Variants in NRXN3 observed in about 807,000 individuals in gnomAD.
The protein encoded by NRXN3 is neurexin 3, also known as neurexin III.
In NRXN3, 32 loss-of-function variants were observed where a neutral mutation model predicts 137.6. That is an observed-to-expected ratio of 0.23 (90% CI 0.18 to 0.31). The LOEUF (loss-of-function observed/expected upper bound fraction) is 0.31, where lower values mean the gene tolerates loss of function less well. Among genes scored for constraint, NRXN3 ranks in the 10% least tolerant of loss-of-function variants. NRXN3 has a pLI of 1.00. For missense variants in NRXN3, 1,574 were observed against 2,062.5 expected, an observed-to-expected ratio of 0.76 and a Z score of 4.59; for synonymous variants, 798 against 784.5, an observed-to-expected ratio of 1.02 and a Z score of -0.29.
rs117862077 is a variant in NRXN3 at position 78,452,094 on chromosome 14, T to C, written c.757+154234T>C. ...AAATATAGCTGACATTTATGAAATA[T>C]TTTGCTAAATTTTTATGTGCATAAT... is the stretch of plus-strand genomic sequence containing the variant. On this transcript the variant is annotated intron_variant, in intron 4 of 20. Coordinates refer to ENST00000335750, the MANE Select transcript of NRXN3 (RefSeq NM_001330195.2). Among the ~76,000 whole-genome samples the C allele has an allele frequency of 5.1e-3, 774 of 152,310 alleles. 34 individuals are homozygous for C. The East Asian group carries it at 0.082, about 16-fold the overall frequency.
chr14:79,719,650 C>T (rs1272408730), intron 19 of NRXN3, among the ~76,000 whole-genome samples: 1 of 152,022 alleles, frequency 6.6e-6, no homozygotes, highest in Admixed American at 6.6e-5. Context: ...CGTGATCCAA[C>T]CCTCCAGAGA....
intron 8 of NRXN3, among the ~76,000 whole-genome samples, chr14:78,792,921 A>G (rs1264005009): frequency 6.6e-6 from 1 of 152,202 alleles, no homozygotes; most frequent in Non-Finnish European, 1.5e-5. Context: ...ACCATATAAT[A>G]ACAATATAAC....
At chr14:79,054,888 G>T (rs2099654372) in intron 15 of NRXN3, among the ~76,000 whole-genome samples, 1 of 152,164 alleles carries the variant, frequency 6.6e-6, no homozygotes, top group Non-Finnish European at 1.5e-5. Context: ...AGAAAATATA[G>T]TATTTTCTGA....
chr14:78,614,265 TG>T (rs1162541031), intron 4 of NRXN3, among the ~76,000 whole-genome samples: 1 of 152,178 alleles, frequency 6.6e-6, no homozygotes, highest in African/African-American at 2.4e-5. Context: ...TGGCATGAGC[TG>T]GTAGTTCTTC....
At chr14:78,505,673 A>C (rs1271733985) in intron 4 of NRXN3, among the ~76,000 whole-genome samples, 1 of 152,186 alleles carries the variant, frequency 6.6e-6, no homozygotes, top group Non-Finnish European at 1.5e-5. Context: ...TTATCTATCA[A>C]AAATAATAAC....
At chr14:78,392,505 C>A (rs1452335315) in intron 4 of NRXN3, among the ~76,000 whole-genome samples, 3 of 152,078 alleles carry the variant, frequency 2.0e-5, no homozygotes, top group Non-Finnish European at 4.4e-5. Flanking sequence ...GGCTACAGGG[C>A]CAGAGGGCCT....
intron 10 of NRXN3, among the ~76,000 whole-genome samples, chr14:78,845,220 A>G (rs568994802): frequency 6.6e-6 from 1 of 152,184 alleles, no homozygotes; most frequent in South Asian, 2.1e-4. Flanking sequence ...TGCAAGTCAA[A>G]ACACTCATCA....
At chr14:79,018,192 G>A (rs1427371766) in intron 15 of NRXN3, among the ~76,000 whole-genome samples, 3 of 145,680 alleles carry the variant, frequency 2.1e-5, no homozygotes, top group East Asian at 2.1e-4. Context: ...CCTGGGAGAC[G>A]AAGGTTGTAG....
At chr14:79,010,151 T>C (rs1179208607) in intron 15 of NRXN3, among the ~76,000 whole-genome samples, 1 of 152,200 alleles carries the variant, frequency 6.6e-6, no homozygotes, top group African/African-American at 2.4e-5. Context: ...TCCATTTAAA[T>C]ATTTCATTTT....
At chr14:78,557,941 T>C (rs144987477) in intron 4 of NRXN3, among the ~76,000 whole-genome samples, 73 of 152,304 alleles carry the variant, frequency 4.8e-4, no homozygotes, top group African/African-American at 1.7e-3. Context: ...TTAAGAATAT[T>C]AACTTATTTA....
chr14:78,911,511 A>G (rs2099237563), intron 10 of NRXN3, among the ~76,000 whole-genome samples: 1 of 152,180 alleles, frequency 6.6e-6, no homozygotes, highest in African/African-American at 2.4e-5. Flanking sequence ...TGAGTTCACT[A>G]CCCACAGAGC....
intron 15 of NRXN3, among the ~76,000 whole-genome samples, chr14:79,304,710 A>G (rs181151074): frequency 2.6e-5 from 4 of 152,216 alleles, no homozygotes; most frequent in Admixed American, 2.6e-4. Flanking sequence ...GCTCAAGTTA[A>G]GTTCTGCTGA....
At chr14:79,236,355 A>C (rs768483839) in intron 15 of NRXN3, among the ~76,000 whole-genome samples, 10 of 152,226 alleles carry the variant, frequency 6.6e-5, no homozygotes, top group Middle Eastern at 3.4e-3. Flanking sequence ...ATATGTACAT[A>C]TGTTCACATA....
chr14:79,697,524 C>A, intron 18 of NRXN3, 106 bp from the exon 19 acceptor site: 1 of 1,215,346 alleles, frequency 8.2e-7, no homozygotes, highest in African/African-American at 1.5e-5. Flanking sequence ...TCCTCCCCTT[C>A]AATTGCTCAA....
intron 6 of NRXN3, among the ~76,000 whole-genome samples, chr14:78,690,805 A>G (rs553465281): frequency 6.6e-6 from 1 of 152,298 alleles, no homozygotes; most frequent in African/African-American, 2.4e-5. Context: ...AGGCAGGTTG[A>G]TTTTAAAGTT....
At chr14:79,777,816 T>C (rs2099101723) in intron 19 of NRXN3, among the ~76,000 whole-genome samples, 1 of 150,788 alleles carries the variant, frequency 6.6e-6, no homozygotes, top group Non-Finnish European at 1.5e-5. Flanking sequence ...TTATTGACAA[T>C]ATAAAAAAAA....
chr14:79,042,718 G>A (rs1157841815), intron 15 of NRXN3, among the ~76,000 whole-genome samples: 2 of 152,118 alleles, frequency 1.3e-5, no homozygotes, highest in Non-Finnish European at 2.9e-5. Flanking sequence ...ATTAGAATAG[G>A]AAAGGTATGG....
At position 78,442,221 on chromosome 14, in the gene NRXN3, C is replaced by T. The variant is rs141353547; in HGVS notation, c.757+144361C>T. Among the ~76,000 whole-genome samples the T allele has an allele frequency of 2.7e-5, 4 of 150,044 alleles. No individual in the cohort carries two copies. The East Asian group carries it at 5.9e-4, about 22-fold the overall frequency. On this transcript the variant is annotated intron_variant, in intron 4 of 20. Transcript: ENST00000335750. The stretch of plus-strand genomic sequence containing the variant: ...GGCAGACGTCACGGTAAGCAGAGAT[C>T]ATGCCACCGTACTCCAGCCTGGGCA...
Position 78,810,346 on chromosome 14 carries a change from T to C in NRXN3, c.2275+2T>C. ...GTATCAGGATAAACTGTAACTCCAG[T>C]AAGTTTTCCCTCAAGTTTCATTTTG... On this transcript the variant is annotated splice_donor_variant, in intron 10 of 20. Coordinates refer to ENST00000335750, the MANE Select transcript of NRXN3 (RefSeq NM_001330195.2). LOFTEE classifies it high-confidence loss of function. The C allele has an allele frequency of 6.9e-7, 1 of 1,453,040 alleles. No individual in the cohort carries two copies. The highest frequency in any genetic ancestry group is 9.2e-7 in the Non-Finnish European group (1 of 1,085,422). The allele number at this position is 1,453,040 out of a possible 1,614,324, so 90.0% of individuals were successfully genotyped here.
Sources: gnomAD v4.1 joint callset for allele counts (sites outside exome capture counted in the v4.1 genomes callset) on GRCh38, gnomAD v4.1.1 for gene constraint, MANE v1.5 for transcripts, NCBI Gene and HGNC (gene_info 2026-07-23, HGNC 2026-07-21) for gene names.